Variants in ANO3 observed in about 807,000 individuals in gnomAD.
The protein encoded by ANO3 is anoctamin-3.
ANO3 carries 99 observed loss-of-function variants against 144.8 expected under a neutral mutation model. The observed-to-expected ratio is 0.68, with a 90% confidence interval of 0.58 to 0.81. ANO3 has a LOEUF of 0.81. Ranked by LOEUF, ANO3 falls within the 30% of genes least tolerant of loss-of-function variation. ANO3 has a pLI of 0.00. For missense variants in ANO3, 905 were observed against 1,202.2 expected, an observed-to-expected ratio of 0.75 and a Z score of 3.66; for synonymous variants, 414 against 392.6, an observed-to-expected ratio of 1.05 and a Z score of -0.64.
chr11:26,229,572 G>A (rs1852344648), intron 1 of ANO3, among the ~76,000 whole-genome samples: 3 of 152,252 alleles, frequency 2.0e-5, no homozygotes, highest in South Asian at 2.1e-4. Context: ...ATATCTCAGT[G>A]TGCATATGCT....
chr11:26,352,888 A>G (rs1855683523), intron 1 of ANO3, among the ~76,000 whole-genome samples: 1 of 152,208 alleles, frequency 6.6e-6, no homozygotes, highest in Non-Finnish European at 1.5e-5. Flanking sequence ...GAAGTTTTCA[A>G]TAAGCTTACC....
chr11:26,233,573 C>A (rs1163732296), intron 1 of ANO3, among the ~76,000 whole-genome samples: 2 of 152,050 alleles, frequency 1.3e-5, no homozygotes, highest in Non-Finnish European at 2.9e-5. Context: ...ACCATTTGAC[C>A]CAGCAATCCC....
chr11:26,634,959 T>A, intron 19 of ANO3, 54 bp from the exon 20 acceptor site: 4 of 1,431,722 alleles, frequency 2.8e-6, no homozygotes, highest in South Asian at 1.2e-5. Flanking sequence ...CCTAAGTAGA[T>A]GTTCTTCAGT....
At chr11:26,492,815 A>G (rs778524609) in intron 4 of ANO3, among the ~76,000 whole-genome samples, 7 of 152,214 alleles carry the variant, frequency 4.6e-5, no homozygotes, top group Non-Finnish European at 8.8e-5. Context: ...TACTTTATGA[A>G]TGAAGCAACT....
intron 11 of ANO3, among the ~76,000 whole-genome samples, chr11:26,543,597 A>G (rs1204043902): frequency 6.6e-6 from 1 of 152,008 alleles, no homozygotes; most frequent in Admixed American, 6.6e-5. Flanking sequence ...TCCTGATGCT[A>G]TCCCTCCTCC....
intron 7 of ANO3, among the ~76,000 whole-genome samples, chr11:26,528,206 A>G (rs1186010183): frequency 2.0e-5 from 3 of 152,154 alleles, no homozygotes; most frequent in South Asian, 2.1e-4. Context: ...AGTACTTACT[A>G]TGTTCTGTGC....
intron 4 of ANO3, among the ~76,000 whole-genome samples, chr11:26,507,314 T>C (rs796169734): frequency 2.8e-4 from 43 of 152,312 alleles, no homozygotes; most frequent in African/African-American, 1.0e-3. Flanking sequence ...TGGCCTGGAC[T>C]GGGTAATCAG....
At chr11:26,580,308 T>C (rs1851096117) in intron 14 of ANO3, among the ~76,000 whole-genome samples, 1 of 152,148 alleles carries the variant, frequency 6.6e-6, no homozygotes, top group African/African-American at 2.4e-5. Flanking sequence ...TTCTCTAGCA[T>C]GGTTAATTCT....
chr11:26,234,211 C>A (rs182312498), intron 1 of ANO3, among the ~76,000 whole-genome samples: 1 of 152,290 alleles, frequency 6.6e-6, no homozygotes, highest in East Asian at 1.9e-4. Context: ...CGTTTTCCTT[C>A]AGAGATGAAT....
chr11:26,634,325 C>A lies in ANO3; in HGVS notation c.1985+10C>A. ...CTTTCTTTTTGGGAAGGTAAGTCAA[C>A]TTTTTGTACATTATCTTCGCAGAGT... On this transcript the variant is annotated intron_variant, in intron 19 of 26. Coordinates refer to ENST00000256737, the MANE Select transcript of ANO3 (RefSeq NM_031418.4). 2 of 1,523,734 alleles carry A rather than the reference C, an allele frequency of 1.3e-6. No homozygotes were observed. The highest frequency in any genetic ancestry group is 1.8e-6 in the Non-Finnish European group (2 of 1,098,222). 94.4% of individuals were successfully genotyped at this position (1,523,734 alleles called of 1,614,324 possible).
rs191589382 is a variant in ANO3 at position 26,559,993 on chromosome 11, C to T, written c.1447+214C>T. On this transcript the variant is annotated intron_variant, in intron 14 of 26. Coordinates refer to ENST00000256737, the MANE Select transcript of ANO3 (RefSeq NM_031418.4). ...GATCTCATCCTCTAATCTCTAAAAC[C>T]TAGACTTTCCTACATCAAGGAACAT... The T allele has an allele frequency of 1.1e-4, 45 of 407,754 alleles. No individual in the cohort carries two copies. In the Admixed American group the frequency reaches 1.3e-3, roughly 12 times the overall value. 25.3% of individuals were successfully genotyped at this position (407,754 alleles called of 1,614,324 possible).
intron 4 of ANO3, among the ~76,000 whole-genome samples, chr11:26,496,979 T>TAC (rs1860975065): frequency 1.6e-5 from 2 of 128,832 alleles, no homozygotes; most frequent in African/African-American, 5.6e-5. Flanking sequence ...TGTGTGTATA[T>TAC]ATATATATAT....
chr11:26,591,143 C>T (rs999568975), intron 14 of ANO3, among the ~76,000 whole-genome samples: 5 of 152,222 alleles, frequency 3.3e-5, no homozygotes, highest in Admixed American at 2.6e-4. Flanking sequence ...GGTGCGGTCC[C>T]CTTCCCCAGC....
At chr11:26,657,387 G>A (rs903578209) in intron 26 of ANO3, among the ~76,000 whole-genome samples, 1 of 152,068 alleles carries the variant, frequency 6.6e-6, no homozygotes, top group Non-Finnish European at 1.5e-5. Context: ...TGAAGTGAGA[G>A]TGTCTAATAT....
intron 1 of ANO3, among the ~76,000 whole-genome samples, chr11:26,196,924 G>C (rs1379093780): frequency 6.6e-6 from 1 of 152,116 alleles, no homozygotes; most frequent in African/African-American, 2.4e-5. Context: ...AACTCATTAA[G>C]AGAGAATAAA....
At chr11:26,271,377 G>A (rs1322760545) in intron 1 of ANO3, among the ~76,000 whole-genome samples, 1 of 152,278 alleles carries the variant, frequency 6.6e-6, no homozygotes, top group Non-Finnish European at 1.5e-5. Context: ...CTGACATGGG[G>A]CACAGAATGT....
At chr11:26,273,362 C>A (rs1024738149) in intron 1 of ANO3, among the ~76,000 whole-genome samples, 1 of 151,374 alleles carries the variant, frequency 6.6e-6, no homozygotes, top group Admixed American at 6.6e-5. Flanking sequence ...ATCAGGGGAT[C>A]ATAAGGACCT....
intron 17 of ANO3, among the ~76,000 whole-genome samples, chr11:26,607,595 AT>A (rs1436362252): frequency 5.9e-5 from 9 of 152,070 alleles, no homozygotes; most frequent in African/African-American, 1.9e-4. Flanking sequence ...CCTTTCTAAT[AT>A]TGCCAGTGGG....
At chr11:26,581,262 C>T (rs1851120940) in intron 14 of ANO3, among the ~76,000 whole-genome samples, 1 of 150,614 alleles carries the variant, frequency 6.6e-6, no homozygotes, top group East Asian at 1.9e-4. Flanking sequence ...ATTGTAAGTC[C>T]TCAGTAAATG....
Sources: gnomAD v4.1 joint callset for allele counts (sites outside exome capture counted in the v4.1 genomes callset) on GRCh38, gnomAD v4.1.1 for gene constraint, MANE v1.5 for transcripts, NCBI Gene and HGNC (gene_info 2026-07-23, HGNC 2026-07-21) for gene names.